EXOC4: variants seen among roughly 807,000 people sequenced by gnomAD.
EXOC4 encodes exocyst complex component 4, also known as SEC8-like 1.
In EXOC4, 71 loss-of-function variants were observed where a neutral mutation model predicts 107.2. The observed-to-expected ratio is 0.66, with a 90% CI of 0.55 to 0.81. The LOEUF is 0.81. EXOC4 is among the 30% of genes least tolerant of loss of function. The pLI is 0.00. For missense variants in EXOC4, 1,108 were observed against 1,189.6 expected, an observed-to-expected ratio of 0.93 and a Z score of 1.01; for synonymous variants, 456 against 441.2, an observed-to-expected ratio of 1.03 and a Z score of -0.42.
intron 5 of EXOC4, among the ~76,000 whole-genome samples, chr7:133,324,056 T>TA (rs1000417975): frequency 1.3e-5 from 2 of 152,200 alleles, no homozygotes; most frequent in African/African-American, 4.8e-5. Context: ...TCAGTGGTGA[T>TA]ATCCCCTTTG....
At chr7:133,391,417 C>T (rs1169744705) in intron 7 of EXOC4, among the ~76,000 whole-genome samples, 1 of 152,192 alleles carries the variant, frequency 6.6e-6, no homozygotes, top group Non-Finnish European at 1.5e-5. Flanking sequence ...AACAGCATCT[C>T]GTCACCGAGC....
At chr7:133,788,665 A>T (rs562756050) in intron 10 of EXOC4, among the ~76,000 whole-genome samples, 118 of 151,964 alleles carry the variant, frequency 7.8e-4, no homozygotes, top group African/African-American at 2.8e-3. Flanking sequence ...GCTAATTTTT[A>T]TGTTTTTAGT....
At chr7:133,663,322 C>A (rs1001952173) in intron 10 of EXOC4, among the ~76,000 whole-genome samples, 2 of 152,034 alleles carry the variant, frequency 1.3e-5, no homozygotes, top group East Asian at 3.9e-4. Context: ...CATTGGCCAC[C>A]TTTTCTTCTT....
chr7:133,510,099 C>T (rs972860808), intron 9 of EXOC4, among the ~76,000 whole-genome samples: 1 of 152,136 alleles, frequency 6.6e-6, no homozygotes, highest in Non-Finnish European at 1.5e-5. Flanking sequence ...CATGTCAACC[C>T]ATTTACGTTA....
chr7:133,855,009 C>T (rs1798318002), intron 11 of EXOC4, among the ~76,000 whole-genome samples: 1 of 138,606 alleles, frequency 7.2e-6, no homozygotes, highest in Non-Finnish European at 1.5e-5. Flanking sequence ...AATGGCTTCT[C>T]TATTCCTAAG....
chr7:133,873,382 C>T (rs1175362809), intron 11 of EXOC4, among the ~76,000 whole-genome samples: 2 of 152,172 alleles, frequency 1.3e-5, no homozygotes, highest in Admixed American at 6.5e-5. Flanking sequence ...CTCACACCTC[C>T]CTCCTAGAGG....
intron 1 of EXOC4, among the ~76,000 whole-genome samples, chr7:133,273,788 C>A (rs1793927412): frequency 6.6e-6 from 1 of 152,106 alleles, no homozygotes; most frequent in South Asian, 2.1e-4. Flanking sequence ...AATTTGCTGA[C>A]AGACCATCTC....
Position 133,755,316 on chromosome 7 carries a change from TATATATATA to T in EXOC4, c.1515-61999_1515-61991del, listed in dbSNP as rs1376778832. 6.4e-4 allele frequency among the ~76,000 whole-genome samples: 70 copies of T among 109,966 alleles called. No individual in the cohort carries two copies. The Middle Eastern group carries it at 0.016, about 24-fold the overall frequency. The allele number at this position is 109,966 out of a possible 152,430, so 72.1% of individuals were successfully genotyped here. On this transcript the variant is annotated intron_variant, in intron 10 of 17. Transcript: ENST00000253861. ...TATTATATATATTATATATATATTA[TATATATATA>T]ATATATATATACACATCTCTTTTTT... is the stretch of plus-strand genomic sequence containing the variant.
At position 133,256,220 on chromosome 7, in the gene EXOC4, A is replaced by T. The variant is rs547980858; in HGVS notation, c.86+3033A>T. Among the ~76,000 whole-genome samples the T allele has an allele frequency of 6.8e-4, 104 of 152,248 alleles. 2 individuals are homozygous for T. Among genetic ancestry groups the T allele is most frequent in the Non-Finnish European group, 1.5e-5 (1 of 68,000 alleles). On this transcript the variant is annotated intron_variant, in intron 1 of 17. Transcript: ENST00000253861. ...ATGGTTTTGATCTCCTGACCTTGTG[A>T]TCCACCCGCCTTGGCCTCCCAAAGT...
intron 7 of EXOC4, among the ~76,000 whole-genome samples, chr7:133,443,875 T>C (rs1798159701): frequency 6.6e-6 from 1 of 152,152 alleles, no homozygotes; most frequent in Non-Finnish European, 1.5e-5. Context: ...GAAGCACCTG[T>C]GTTGGAAGAT....
At position 133,839,276 on chromosome 7, in the gene EXOC4, A is replaced by G. The variant is rs1376721369; in HGVS notation, c.1734+21732A>G. On this transcript the variant is annotated intron_variant, in intron 11 of 17. Transcript: ENST00000253861. ...CTCTGACTTTTTCCTGCATATGTGC[A>G]TTTCTTTTATCCCATCCCTTGCCAT... 2.0e-5 allele frequency among the ~76,000 whole-genome samples: 3 copies of G among 152,108 alleles called. No individual in the cohort carries two copies. The East Asian group carries it at 5.8e-4, about 29-fold the overall frequency.
intron 3 of EXOC4, among the ~76,000 whole-genome samples, chr7:133,292,180 A>G (rs1422016305): frequency 6.6e-6 from 1 of 152,158 alleles, no homozygotes; most frequent in Non-Finnish European, 1.5e-5. Flanking sequence ...CTCCATCTCT[A>G]CTAAAAATAC....
chr7:133,750,457 T>C (rs1181162989), intron 10 of EXOC4, among the ~76,000 whole-genome samples: 3 of 152,192 alleles, frequency 2.0e-5, no homozygotes, highest in African/African-American at 7.2e-5. Flanking sequence ...AATGAATATA[T>C]ATGTAAAGCA....
chr7:133,350,688 A>G (rs1795888880), intron 5 of EXOC4, among the ~76,000 whole-genome samples: 1 of 152,030 alleles, frequency 6.6e-6, no homozygotes, highest in African/African-American at 2.4e-5. Context: ...GAGATTCTGT[A>G]TGAATTTCAG....
chr7:133,398,602 T>A (rs1797023159), intron 7 of EXOC4, among the ~76,000 whole-genome samples: 1 of 152,230 alleles, frequency 6.6e-6, no homozygotes. Flanking sequence ...AACTTTCCTT[T>A]CCAGGCACTT....
intron 9 of EXOC4, among the ~76,000 whole-genome samples, chr7:133,564,563 A>G (rs1392350619): frequency 6.6e-6 from 1 of 152,118 alleles, no homozygotes; most frequent in Non-Finnish European, 1.5e-5. Flanking sequence ...GATGGAATAT[A>G]AGTTGTTTTA....
At chr7:133,469,661 A>G (rs1011571091) in intron 7 of EXOC4, among the ~76,000 whole-genome samples, 10 of 152,318 alleles carry the variant, frequency 6.6e-5, no homozygotes, top group Admixed American at 1.3e-4. Context: ...ATTAGATACT[A>G]TAAAGACATA....
In EXOC4 at chr7:134,064,536, T is replaced by C. The variant is rs748636708; in HGVS notation, c.*8T>C. ...AAGATAACTACCGTTTAGCAGGGCG[T>C]ACTGCGGTTGGTGACGGGGGTCCCC... On this transcript the variant is annotated 3_prime_UTR_variant, in exon 18 of 18. Coordinates refer to ENST00000253861, the MANE Select transcript of EXOC4 (RefSeq NM_021807.4). The C allele has an allele frequency of 1.3e-6, 2 of 1,553,210 alleles. No individual in the cohort carries two copies. The highest frequency in any genetic ancestry group is 2.3e-5 in the East Asian group (1 of 42,576).
At chr7:134,042,237 A>G (rs1795537645) in intron 17 of EXOC4, among the ~76,000 whole-genome samples, 1 of 152,230 alleles carries the variant, frequency 6.6e-6, no homozygotes, top group Admixed American at 6.5e-5. Flanking sequence ...ATTCCCTTGT[A>G]TCTGCATCTC....
Sources: allele counts gnomAD v4.1 joint callset (sites outside exome capture counted in the v4.1 genomes callset), GRCh38; gene constraint gnomAD v4.1.1; transcripts MANE v1.5; gene names NCBI Gene and HGNC (gene_info 2026-07-23, HGNC 2026-07-21).